ERGIC1: variants seen among roughly 807,000 people sequenced by gnomAD.
ERGIC1 encodes endoplasmic reticulum-Golgi intermediate compartment protein 1.
Under a neutral mutation model 38.3 loss-of-function variants are expected in ERGIC1, and 19 were observed. The ratio of observed to expected loss-of-function variants is 0.50; its 90% CI spans 0.35 to 0.73. The LOEUF is 0.73. ERGIC1 is among the 30% of genes least tolerant of loss of function. ERGIC1 has a pLI of 0.01. For missense variants in ERGIC1, 294 were observed against 389.2 expected, an observed-to-expected ratio of 0.76 and a Z score of 2.06; for synonymous variants, 124 against 157.6, an observed-to-expected ratio of 0.79 and a Z score of 1.60.
At chr5:172,933,320 T>G (rs1763817836) in intron 8 of ERGIC1, 1 of 152,234 alleles carries the variant, frequency 6.6e-6, no homozygotes, top group African/African-American at 2.4e-5. Context: ...GAGGCATAGC[T>G]GTCACTCATT....
intron 1 of ERGIC1, among the ~76,000 whole-genome samples, chr5:172,856,520 G>C (rs970994583): frequency 2.0e-5 from 3 of 152,172 alleles, no homozygotes; most frequent in African/African-American, 7.2e-5. Context: ...TGAGAGGCTA[G>C]GAGGTGGGAA....
At position 172,951,046 on chromosome 5, in the gene ERGIC1, G is replaced by A. The variant is rs1357072297; in HGVS notation, c.*230G>A. 3 of 462,194 alleles carry A rather than the reference G, an allele frequency of 6.5e-6. No individual in the cohort carries two copies. Among genetic ancestry groups the A allele is most frequent in the African/African-American group, 2.0e-5 (1 of 49,974 alleles). The allele number at this position is 462,194 out of a possible 1,614,324, so 28.6% of individuals were successfully genotyped here. On this transcript the variant is annotated 3_prime_UTR_variant, in exon 10 of 10. Coordinates refer to ENST00000393784, the MANE Select transcript of ERGIC1 (RefSeq NM_001031711.3). Reference sequence around the variant, plus strand: ...AAGTTGCAGTTCCCCTTTCCCTGGGGAGCCCCAAGAACAGAGTCAGGCAAG... The same window carrying A: ...AAGTTGCAGTTCCCCTTTCCCTGGGAAGCCCCAAGAACAGAGTCAGGCAAG...
Position 172,919,625 on chromosome 5 carries a change from T to C in ERGIC1, c.376-4380T>C, listed in dbSNP as rs145129114. 3.8e-3 allele frequency among the ~76,000 whole-genome samples: 582 copies of C among 152,382 alleles called. 5 individuals carry two copies. Among genetic ancestry groups the C allele is most frequent in the African/African-American group, 0.013 (535 of 41,594 alleles). On this transcript the variant is annotated intron_variant, in intron 5 of 9. Coordinates refer to ENST00000393784, the MANE Select transcript of ERGIC1 (RefSeq NM_001031711.3). ...ATGACTCTGGGCAGTTTAGCTTCTC[T>C]GAGCCTCAGGTTCCTCATCTGTAGA...
At chr5:172,866,923 A>G in intron 1 of ERGIC1, 1 of 311,524 alleles carries the variant, frequency 3.2e-6, no homozygotes, top group South Asian at 2.3e-5. Context: ...AGCAGGTGCT[A>G]GTGATATTTG....
At position 172,863,424 on chromosome 5, in the gene ERGIC1, C is replaced by T. The variant is rs115172338; in HGVS notation, c.21-25275C>T. Among the ~76,000 whole-genome samples, 1,343 of 152,240 alleles carry T rather than the reference C, an allele frequency of 8.8e-3. 15 individuals carry two copies. Among genetic ancestry groups the T allele is most frequent in the Non-Finnish European group, 0.014 (919 of 68,002 alleles). ...GCCCAATCTGGGTTCCACCTAAAAC[C>T]GTCTCAGGTACACCACTGCGCAGCC... is the stretch of plus-strand genomic sequence containing the variant. On this transcript the variant is annotated intron_variant, in intron 1 of 9. Coordinates refer to ENST00000393784, the MANE Select transcript of ERGIC1 (RefSeq NM_001031711.3).
intron 5 of ERGIC1, among the ~76,000 whole-genome samples, chr5:172,918,903 C>T (rs1331462879): frequency 1.3e-5 from 2 of 152,186 alleles, no homozygotes; most frequent in African/African-American, 4.8e-5. Context: ...GGAAGTCCTC[C>T]CTCCCCTTCC....
chr5:172,914,648 ACAGGCTGGCCCC>A (rs746031789), intron 4 of ERGIC1, 54 bp from the exon 5 acceptor site: 1 of 1,613,064 alleles, frequency 6.2e-7, no homozygotes, highest in Non-Finnish European at 8.5e-7. Flanking sequence ...CCCAGAGAGA[ACAGGCTGGCCCC>A]CATCCTCCCG....
chr5:172,895,239 C>T (rs908017383), intron 2 of ERGIC1, among the ~76,000 whole-genome samples: 7 of 152,142 alleles, frequency 4.6e-5, no homozygotes, highest in African/African-American at 1.2e-4. Context: ...TATTACCTGC[C>T]GGGCTCTGTT....
At position 172,938,834 on chromosome 5, in the gene ERGIC1, C is replaced by T. The variant is rs868414018; in HGVS notation, c.765+3524C>T. On this transcript the variant is annotated intron_variant, in intron 9 of 9. Coordinates refer to ENST00000393784, the MANE Select transcript of ERGIC1 (RefSeq NM_001031711.3). ...ATCCCAACACTTTGGGAGGCTGAGGCGGGCGGATCACCAGGTCGGGAGTTT... is the reference window on the plus strand; with the variant it reads ...ATCCCAACACTTTGGGAGGCTGAGGTGGGCGGATCACCAGGTCGGGAGTTT... 4.0e-5 allele frequency among the ~76,000 whole-genome samples: 6 copies of T among 151,654 alleles called. No individual in the cohort carries two copies. In the South Asian group the frequency reaches 1.0e-3, roughly 26 times the overall value.
At position 172,924,055 on chromosome 5, in the gene ERGIC1, G is replaced by A; in HGVS notation, c.426G>A (p.Gln142=). The A allele has an allele frequency of 1.2e-6, 2 of 1,614,176 alleles. No individual in the cohort carries two copies. The highest frequency in any genetic ancestry group is 4.5e-5 in the East Asian group (2 of 44,876). ...VSTHSATAQP[Q]NPDMTHVIHK... ...CACACAGTGCCACAGCCCAGCCACA[G>A]AACCCAGACATGACGCATGTCATCC... The change falls in exon 6 of 10, where the codon CAG becomes CAA. Residue 142 remains glutamine (Q), a synonymous_variant. Coordinates refer to ENST00000393784, the MANE Select transcript of ERGIC1 (RefSeq NM_001031711.3).
In ERGIC1 at chr5:172,860,449, C is replaced by T. The variant is rs10476051; in HGVS notation, c.20+26016C>T. Among the ~76,000 whole-genome samples the T allele has an allele frequency of 5.6e-3, 848 of 152,362 alleles. 10 individuals carry two copies. The highest frequency in any genetic ancestry group is 0.02 in the African/African-American group (820 of 41,588). ...CAGAGAAGTTATTTAACCTGCCCAG[C>T]GTTGCCTGAGCCAGGGCAGAGCTGG... is the stretch of plus-strand genomic sequence containing the variant. On this transcript the variant is annotated intron_variant, in intron 1 of 9. Coordinates refer to ENST00000393784, the MANE Select transcript of ERGIC1 (RefSeq NM_001031711.3).
chr5:172,935,731 G>C (rs2113473907), intron 9 of ERGIC1: 1 of 169,864 alleles, frequency 5.9e-6, no homozygotes, highest in East Asian at 1.6e-4. Context: ...GCTGCTGATA[G>C]GGTCCGATTT....
At chr5:172,876,715 A>T (rs538853584) in intron 1 of ERGIC1, among the ~76,000 whole-genome samples, 1 of 152,156 alleles carries the variant, frequency 6.6e-6, no homozygotes, top group Admixed American at 6.5e-5. Context: ...CACACCCCAA[A>T]GCTTGCTCCT....
Position 172,907,589 on chromosome 5 carries a change from C to T in ERGIC1, c.156-2078C>T, listed in dbSNP as rs114149807. Among the ~76,000 whole-genome samples the T allele has an allele frequency of 4.0e-3, 613 of 152,178 alleles. 1 individual carries two copies. Among genetic ancestry groups the T allele is most frequent in the African/African-American group, 0.014 (586 of 41,506 alleles). On this transcript the variant is annotated intron_variant, in intron 3 of 9. Coordinates refer to ENST00000393784, the MANE Select transcript of ERGIC1 (RefSeq NM_001031711.3). ...AAAAAGTATAAAGGCCTCGTGCAGC[C>T]TCCTTACACTGCAACCACGGTGACC...
chr5:172,894,195 C>CTT (rs34730943), intron 2 of ERGIC1, among the ~76,000 whole-genome samples: 2,234 of 35,738 alleles, frequency 0.063, 155 homozygotes, highest in Non-Finnish European at 0.082. Context: ...ACAACTTTTT[C>CTT]TTTTTTTTTT....
intron 1 of ERGIC1, among the ~76,000 whole-genome samples, chr5:172,852,941 T>C (rs1761449629): frequency 6.6e-6 from 1 of 152,198 alleles, no homozygotes; most frequent in Non-Finnish European, 1.5e-5. Context: ...CAGCTGTCCT[T>C]TTGGAATCTT....
chr5:172,924,225 A>C, intron 6 of ERGIC1, 116 bp downstream of exon 6: 1 of 986,144 alleles, frequency 1.0e-6, no homozygotes, highest in Non-Finnish European at 1.6e-6. Flanking sequence ...GGTGACATCT[A>C]AGCCAAGCCT....
chr5:172,834,580 G>GC lies in ERGIC1; in HGVS notation c.20+156dup, dbSNP rs68060196. 0.38 allele frequency: 202,889 copies of GC among 529,386 alleles called. 22,251 individuals are homozygous for GC. Among genetic ancestry groups the GC allele is most frequent in the Non-Finnish European group, 0.41 (156,304 of 380,660 alleles). The allele number at this position is 529,386 out of a possible 1,614,324, so 32.8% of individuals were successfully genotyped here. Reference sequence around the variant, plus strand: ...GCAGGCCCCTAGGGACCCCAGGCGAGCCCCCCCCCTGCCGCACACGAAGCC... The same window carrying GC: ...GCAGGCCCCTAGGGACCCCAGGCGAGCCCCCCCCCCTGCCGCACACGAAGCC... On this transcript the variant is annotated intron_variant, in intron 1 of 9. Transcript: ENST00000393784. This position sits in a 1 kb window ranked among gnomAD's most constrained non-coding sequence, Gnocchi z 4.1.
chr5:172,875,528 G>C (rs922497577), intron 1 of ERGIC1, among the ~76,000 whole-genome samples: 2 of 152,062 alleles, frequency 1.3e-5, no homozygotes, highest in Non-Finnish European at 2.9e-5. Flanking sequence ...ATGCCACAAA[G>C]GAGGCTGGGA....
Sources: gnomAD v4.1 joint callset for allele counts (sites outside exome capture counted in the v4.1 genomes callset) on GRCh38, gnomAD v4.1.1 for gene constraint, Gnocchi (gnomAD v3.1) non-coding constraint, MANE v1.5 for transcripts, NCBI Gene and HGNC (gene_info 2026-07-23, HGNC 2026-07-21) for gene names.